MICAL2: variants seen among roughly 807,000 people sequenced by gnomAD.
The protein encoded by MICAL2 is microtubule associated monooxygenase, calponin and LIM domain containing 2.
Under a neutral mutation model 127.3 loss-of-function variants are expected in MICAL2, and 77 were observed. The observed-to-expected ratio is 0.60, with a 90% CI of 0.50 to 0.73. MICAL2 has a LOEUF of 0.73. Ranked by LOEUF, MICAL2 falls within the 30% of genes least tolerant of loss-of-function variation. The pLI is 0.00. For synonymous variants in MICAL2, 570 were observed against 551.1 expected (o/e 1.03, Z -0.48); for missense variants, 1,351 against 1,434.4 (o/e 0.94, Z 0.94).
chr11:12,273,318 C>T (rs144953945), upstream of MICAL2, among the ~76,000 whole-genome samples: 2 of 152,114 alleles, frequency 1.3e-5, no homozygotes, highest in Non-Finnish European at 2.9e-5. Flanking sequence ...TATTGAGCAC[C>T]CAATAAAAGT....
At chr11:12,176,079 G>A (rs6485542) in intron 3 of MICAL2, among the ~76,000 whole-genome samples, 86,705 of 151,960 alleles carry the variant, frequency 0.57, 25,057 homozygotes, top group South Asian at 0.69. Context: ...TGTGAGTCAC[G>A]ACCATCTCAG....
intron 16 of MICAL2, among the ~76,000 whole-genome samples, chr11:12,238,879 T>A (rs1859477565): frequency 6.6e-6 from 1 of 152,146 alleles, no homozygotes; most frequent in South Asian, 2.1e-4. Flanking sequence ...AATTTTTCTT[T>A]AAAAAGATAG....
Position 12,258,528 on chromosome 11 carries a change from G to C in MICAL2, c.3203G>C (p.Arg1068Thr). The C allele has an allele frequency of 1.2e-6, 2 of 1,614,098 alleles. No individual in the cohort carries two copies. The highest frequency in any genetic ancestry group is 1.7e-6 in the Non-Finnish European group (2 of 1,180,032). Residue 1068 changes from arginine to threonine, a missense_variant, in exon 25 of 28, where the codon AGA becomes ACA. By Grantham distance (71) the Arg-to-Thr change is moderately conservative. Transcript: ENST00000683283. ...HCKTNSKQRK[R>T]RAELKQQREE... ...AAAACCAATAGCAAACAACGGAAGA[G>C]ACGGGCAGAGTTGAAGCAACAAAGA...
chr11:12,200,179 G>T (rs1860507990), intron 3 of MICAL2, among the ~76,000 whole-genome samples: 1 of 152,188 alleles, frequency 6.6e-6, no homozygotes, highest in Non-Finnish European at 1.5e-5. Flanking sequence ...GACTGGCTGT[G>T]GGTTAGACAC....
At chr11:12,339,848 C>G (rs1049963641) in intron 32 of MICAL2, among the ~76,000 whole-genome samples, 2 of 152,180 alleles carry the variant, frequency 1.3e-5, no homozygotes, top group Non-Finnish European at 2.9e-5. Context: ...AGGTGTCAGT[C>G]TGCCCCTACT....
chr11:12,209,457 C>A (rs939439655), intron 5 of MICAL2, 40 bp from the exon 6 acceptor site: 3 of 1,507,970 alleles, frequency 2.0e-6, no homozygotes, highest in Admixed American at 3.3e-5. Flanking sequence ...TCTCTTCCCA[C>A]CTCTCTCTGC....
In MICAL2 at chr11:12,159,364, T is replaced by A. The variant is rs1854530105; in HGVS notation, c.-77-2715T>A. On this transcript the variant is annotated intron_variant, in intron 2 of 27. Transcript: ENST00000683283. ...AACTTGGAGAACTGATTTACAAGAC[T>A]ATTTTCTAAACTGGTACATTTCCCC... Among the ~76,000 whole-genome samples, 3 of 152,210 alleles carry A rather than the reference T, an allele frequency of 2.0e-5. No homozygotes were observed. In the East Asian group the frequency reaches 5.8e-4, roughly 29 times the overall value.
chr11:12,192,169 A>G (rs1859261203), intron 3 of MICAL2, among the ~76,000 whole-genome samples: 2 of 107,648 alleles, frequency 1.9e-5, no homozygotes, highest in Non-Finnish European at 3.9e-5. Flanking sequence ...CTGGCCCTTT[A>G]TAGAAAAAAA....
intron 21 of MICAL2, among the ~76,000 whole-genome samples, chr11:12,244,663 T>A (rs923810702): frequency 2.6e-5 from 4 of 151,652 alleles, no homozygotes; most frequent in African/African-American, 9.7e-5. Context: ...ACTGAGTGAG[T>A]GTTGAAGGTT....
intron 21 of MICAL2, among the ~76,000 whole-genome samples, chr11:12,245,911 G>A (rs1424056625): frequency 2.0e-5 from 3 of 152,226 alleles, no homozygotes; most frequent in Admixed American, 6.5e-5. Context: ...ACCTAGGCAC[G>A]GACCAGGCAG....
chr11:12,146,589 T>C (rs1395447857), intron 2 of MICAL2, among the ~76,000 whole-genome samples: 3 of 152,086 alleles, frequency 2.0e-5, no homozygotes, highest in African/African-American at 7.2e-5. Flanking sequence ...TGTGGAGAAA[T>C]AGGAACACTT....
At chr11:12,176,099 A>G (rs1786294513) in intron 3 of MICAL2, among the ~76,000 whole-genome samples, 1 of 152,182 alleles carries the variant, frequency 6.6e-6, no homozygotes, top group African/African-American at 2.4e-5. Context: ...GGCCTAAGGA[A>G]TGTATTACAT....
intron 5 of MICAL2, 85 bp from the exon 6 acceptor site, chr11:12,209,412 A>C (rs1855149821): frequency 9.0e-7 from 1 of 1,115,890 alleles, no homozygotes; most frequent in South Asian, 1.3e-5. Flanking sequence ...TGCACTGTCC[A>C]TTTCTCATAG....
intron 5 of MICAL2, 66 bp from the exon 6 acceptor site, chr11:12,209,431 C>G (rs780371055): frequency 3.9e-6 from 5 of 1,270,244 alleles, no homozygotes; most frequent in Admixed American, 3.4e-5. Context: ...AGCCACCACA[C>G]GGGGGGTATA....
At chr11:12,327,344 C>A (rs1179029709) in intron 32 of MICAL2, 5 of 1,185,904 alleles carry the variant, frequency 4.2e-6, no homozygotes, top group African/African-American at 1.5e-5. Flanking sequence ...GGAAAACAGA[C>A]CTTGTCACCT....
chr11:12,170,013 G>A (rs572183374), intron 3 of MICAL2, among the ~76,000 whole-genome samples: 24 of 152,270 alleles, frequency 1.6e-4, no homozygotes, highest in Admixed American at 1.5e-3. Flanking sequence ...CCTTGAATGG[G>A]GCCACTGGGT....
intron 31 of MICAL2, chr11:12,327,057 G>A: frequency 1.2e-6 from 1 of 853,826 alleles, no homozygotes; most frequent in South Asian, 1.5e-5. Flanking sequence ...GTTATTCAAG[G>A]CAGGACCATC....
chr11:12,274,628 G>A (rs1863705332), upstream of MICAL2: 1 of 152,314 alleles, frequency 6.6e-6, no homozygotes, highest in South Asian at 2.1e-4. Flanking sequence ...GCAGAAGCAA[G>A]AGCAGTGCAA....
chr11:12,323,522 A>G (rs1404447582), intron 30 of MICAL2, among the ~76,000 whole-genome samples: 1 of 151,968 alleles, frequency 6.6e-6, no homozygotes, highest in Non-Finnish European at 1.5e-5. Flanking sequence ...GCCATATCGT[A>G]GCACCCCTGT....
Sources: allele counts gnomAD v4.1 joint callset (sites outside exome capture counted in the v4.1 genomes callset), GRCh38; gene constraint gnomAD v4.1.1; transcripts MANE v1.5; gene names NCBI Gene and HGNC (gene_info 2026-07-23, HGNC 2026-07-21).